The following CCL28 variants were observed in gnomAD, a reference collection of about 807,000 sequenced individuals.
The protein encoded by CCL28 is C-C motif chemokine 28.
Under a neutral mutation model 7.1 loss-of-function variants are expected in CCL28, and 4 were observed. That is an observed-to-expected ratio of 0.56 (90% confidence interval 0.28 to 1.29). The LOEUF (loss-of-function observed/expected upper bound fraction) is 1.29, where lower values mean the gene tolerates loss of function less well. Among genes scored for constraint, CCL28 ranks in the 50% most tolerant of loss-of-function variants. The probability of loss-of-function intolerance (pLI) is 0.11; values close to 1 mark genes in which losing one functional copy is unlikely to be tolerated. For synonymous variants in CCL28, 55 were observed against 57.8 expected, an observed-to-expected ratio of 0.95 and a Z score of 0.22; for missense variants, 151 against 163.4, an observed-to-expected ratio of 0.92 and a Z score of 0.41.
chr5:43,393,737 C>T (rs966088748), intron 1 of CCL28, among the ~76,000 whole-genome samples: 1 of 151,940 alleles, frequency 6.6e-6, no homozygotes, highest in African/African-American at 2.4e-5. Context: ...TAAATCTCTA[C>T]AAGGATTAAG....
chr5:43,374,653 C>T (rs1403043824), downstream of CCL28, among the ~76,000 whole-genome samples: 1 of 151,832 alleles, frequency 6.6e-6, no homozygotes, highest in East Asian at 1.9e-4. Context: ...TGATGGTGCA[C>T]GCCTGTAATC....
chr5:43,392,601 C>G (rs193271565), intron 1 of CCL28, among the ~76,000 whole-genome samples: 1 of 152,346 alleles, frequency 6.6e-6, no homozygotes, highest in East Asian at 1.9e-4. Context: ...CCAATTTACA[C>G]TCATACCTGC....
chr5:43,398,165 TAA>T (rs1218873915), intron 1 of CCL28, among the ~76,000 whole-genome samples: 1 of 152,268 alleles, frequency 6.6e-6, no homozygotes, highest in Non-Finnish European at 1.5e-5. Flanking sequence ...TAAGAATTAA[TAA>T]GTCATAGTAC....
chr5:43,403,672 C>T (rs879601416), intron 1 of CCL28, among the ~76,000 whole-genome samples: 3 of 152,176 alleles, frequency 2.0e-5, no homozygotes, highest in Non-Finnish European at 4.4e-5. Flanking sequence ...ATGACTTTGA[C>T]AAGTTGAGAG....
At chr5:43,393,551 C>T (rs1285731417) in intron 1 of CCL28, among the ~76,000 whole-genome samples, 1 of 152,094 alleles carries the variant, frequency 6.6e-6, no homozygotes, top group Admixed American at 6.5e-5. Context: ...GGTGAGGTTT[C>T]ACCATGTTGG....
At chr5:43,373,229 A>G (rs1739824409), downstream of CCL28, among the ~76,000 whole-genome samples, 3 of 152,266 alleles carry the variant, frequency 2.0e-5, no homozygotes, top group Middle Eastern at 3.4e-3. Context: ...CTCCAAAATG[A>G]TTTTATTAAT....
chr5:43,374,124 T>C (rs749336264), downstream of CCL28, among the ~76,000 whole-genome samples: 3 of 152,242 alleles, frequency 2.0e-5, no homozygotes, highest in Non-Finnish European at 4.4e-5. Context: ...GTTTTCATTG[T>C]AATTGAGCAA....
chr5:43,392,745 A>T (rs1355990776), intron 1 of CCL28, among the ~76,000 whole-genome samples: 3 of 152,158 alleles, frequency 2.0e-5, no homozygotes, highest in Non-Finnish European at 4.4e-5. Flanking sequence ...GTAAGTTATT[A>T]ATCATTCACA....
downstream of CCL28, among the ~76,000 whole-genome samples, chr5:43,375,458 T>TAA (rs56289620): frequency 0.17 from 5,693 of 32,746 alleles, 1,672 homozygotes; most frequent in African/African-American, 0.25. Flanking sequence ...GACAGAAAGC[T>TAA]AAAAAAAAAA....
chr5:43,412,158 A>T, intron 1 of CCL28, 95 bp downstream of exon 1: 3 of 824,034 alleles, frequency 3.6e-6, no homozygotes, highest in Non-Finnish European at 5.5e-6. Flanking sequence ...GCTTGAAGAG[A>T]TAGATATTCT....
chr5:43,367,324 C>T, the CCL28 span, among the ~76,000 whole-genome samples: 187 of 152,288 alleles, frequency 1.2e-3, no homozygotes, highest in Middle Eastern at 0.017. Context: ...CCCAAATGGC[C>T]GCCCAGTTTT....
chr5:43,360,893 T>C, the CCL28 span, among the ~76,000 whole-genome samples: 23 of 152,168 alleles, frequency 1.5e-4, no homozygotes, highest in African/African-American at 5.6e-4. Flanking sequence ...AGTAAACACA[T>C]GCCATGGTGG....
At chr5:43,364,774 C>G in the CCL28 span, among the ~76,000 whole-genome samples, 2 of 151,984 alleles carry the variant, frequency 1.3e-5, no homozygotes, top group Non-Finnish European at 1.5e-5. Context: ...GGATAGTTAG[C>G]TCTTCTTGTT....
chr5:43,358,122 T>C, the CCL28 span, among the ~76,000 whole-genome samples: 1 of 152,236 alleles, frequency 6.6e-6, no homozygotes, highest in African/African-American at 2.4e-5. Flanking sequence ...TGAAGCACAA[T>C]ACAGGCCCTT....
At chr5:43,365,348 G>A in the CCL28 span, among the ~76,000 whole-genome samples, 1 of 151,874 alleles carries the variant, frequency 6.6e-6, no homozygotes, top group Non-Finnish European at 1.5e-5. Context: ...TTTTAATTGG[G>A]GCATTTAGCC....
At chr5:43,373,020 T>C (rs1177506678), downstream of CCL28, among the ~76,000 whole-genome samples, 3 of 150,996 alleles carry the variant, frequency 2.0e-5, no homozygotes, top group Non-Finnish European at 3.0e-5. Flanking sequence ...AGGCTGGTCT[T>C]AAACTCCTGA....
intron 1 of CCL28, among the ~76,000 whole-genome samples, chr5:43,403,651 C>T (rs10472379): frequency 0.019 from 2,910 of 152,274 alleles, 44 homozygotes; most frequent in South Asian, 0.05. Context: ...TGGAACAAAG[C>T]TGGATGGAAA....
At chr5:43,363,275 A>G in the CCL28 span, among the ~76,000 whole-genome samples, 2 of 152,192 alleles carry the variant, frequency 1.3e-5, no homozygotes, top group Non-Finnish European at 2.9e-5. Context: ...TTTTATGATG[A>G]ACTATTCACT....
the CCL28 span, among the ~76,000 whole-genome samples, chr5:43,370,138 A>G: frequency 6.6e-6 from 1 of 152,230 alleles, no homozygotes; most frequent in South Asian, 2.1e-4. Context: ...TGAGACCAGT[A>G]TAAGAACTGT....
Sources: allele counts gnomAD v4.1 joint callset (sites outside exome capture counted in the v4.1 genomes callset), GRCh38; gene constraint gnomAD v4.1.1; transcripts MANE v1.5; gene names NCBI Gene and HGNC (gene_info 2026-07-23, HGNC 2026-07-21).